The following PCDHGA1 variants were observed in gnomAD, a reference collection of about 807,000 sequenced individuals.
The protein encoded by PCDHGA1 is protocadherin gamma-A1.
PCDHGA1 carries 32 observed loss-of-function variants against 58.0 expected under a neutral mutation model. The observed-to-expected ratio is 0.55, with a 90% CI of 0.42 to 0.74. PCDHGA1 has a LOEUF of 0.74. Among genes scored for constraint, PCDHGA1 ranks in the 30% least tolerant of loss-of-function variants. PCDHGA1 has a pLI of 0.00. For synonymous variants in PCDHGA1, 498 were observed against 501.1 expected (o/e 0.99, Z 0.08); for missense variants, 1,205 against 1,182.3 (o/e 1.02, Z -0.28).
rs3749771 is a variant in PCDHGA1, at chr5:141,376,276, C to A, written c.2421+43171C>A. The A allele has an allele frequency of 5.9e-4, 946 of 1,614,240 alleles. 16 individuals are homozygous for A. The East Asian group carries it at 0.018, about 31-fold the overall frequency. The stretch of plus-strand genomic sequence containing the variant: ...GCCTGCTGCAGGCTTCGGGAGGTGG[C>A]TTAGCGAGCATGCCCGGCTCGCACT... On this transcript the variant is annotated intron_variant, in intron 1 of 3. Coordinates refer to ENST00000517417, the MANE Select transcript of PCDHGA1 (RefSeq NM_018912.3).
chr5:141,409,416 T>G (rs770750853), intron 1 of PCDHGA1: 1 of 1,613,964 alleles, frequency 6.2e-7, no homozygotes, highest in South Asian at 1.1e-5. Flanking sequence ...TACAAACTGG[T>G]GACAGATGGA....
chr5:141,384,913 T>C, intron 1 of PCDHGA1: 1 of 1,613,988 alleles, frequency 6.2e-7, no homozygotes, highest in Non-Finnish European at 8.5e-7. Context: ...CCCCGAAGTC[T>C]TGGCCGACCT....
chr5:141,397,648 C>T (rs1045102412), intron 1 of PCDHGA1, among the ~76,000 whole-genome samples: 5 of 152,148 alleles, frequency 3.3e-5, no homozygotes, highest in African/African-American at 1.2e-4. Context: ...GGTATGTTTG[C>T]AGAATGGTGA....
intron 1 of PCDHGA1, chr5:141,403,259 C>T: frequency 6.2e-7 from 1 of 1,613,866 alleles, no homozygotes; most frequent in Admixed American, 1.7e-5. Context: ...CCCGCGGTGT[C>T]TGGTGAACTT....
At chr5:141,366,718 G>C (rs772444465) in intron 1 of PCDHGA1, 1 of 1,613,638 alleles carries the variant, frequency 6.2e-7, no homozygotes, top group Non-Finnish European at 8.5e-7. Context: ...TGTCTGATAA[G>C]GTAGATGCAA....
chr5:141,399,506 A>G, intron 1 of PCDHGA1: 1 of 1,613,982 alleles, frequency 6.2e-7, no homozygotes, highest in Non-Finnish European at 8.5e-7. Flanking sequence ...GTACCCGAAA[A>G]CAACCCTCCT....
intron 1 of PCDHGA1, chr5:141,394,458 A>C (rs776488659): frequency 6.2e-7 from 1 of 1,614,100 alleles, no homozygotes; most frequent in Non-Finnish European, 8.5e-7. Context: ...CATGTCACTG[A>C]GCCTGTTCGT....
At chr5:141,351,082 CACCTATGCCT>C (rs1561499297) in intron 1 of PCDHGA1, 12 of 1,614,062 alleles carry the variant, frequency 7.4e-6, no homozygotes, top group Non-Finnish European at 9.3e-6. Flanking sequence ...ATGCAGAGAT[CACCTATGCCT>C]TCCTCAATTC....
chr5:141,489,775 T>C lies in PCDHGA1; in HGVS notation c.2422-5032T>C, dbSNP rs748163008. The C allele has an allele frequency of 6.2e-7, 1 of 1,614,110 alleles. No homozygotes were observed. The highest frequency in any genetic ancestry group is 8.5e-7 in the Non-Finnish European group (1 of 1,179,986). Reference sequence around the variant, plus strand: ...CACTCTAAGCCCCAACAGCCACTTCTCTCTGAATGTGAAGACCCTAAAAGA... The same window carrying C: ...CACTCTAAGCCCCAACAGCCACTTCCCTCTGAATGTGAAGACCCTAAAAGA... On this transcript the variant is annotated intron_variant, in intron 1 of 3. Coordinates refer to ENST00000517417, the MANE Select transcript of PCDHGA1 (RefSeq NM_018912.3). This position sits in a 1 kb window ranked among gnomAD's most constrained non-coding sequence, Gnocchi z 4.5.
chr5:141,355,284 C>A (rs548905369), intron 1 of PCDHGA1: 4 of 1,613,732 alleles, frequency 2.5e-6, no homozygotes, highest in Non-Finnish European at 1.7e-6. Flanking sequence ...AAATCAGGGC[C>A]GAACAGATTC....
intron 1 of PCDHGA1, chr5:141,341,362 A>G (rs372379863): frequency 2.5e-6 from 4 of 1,614,184 alleles, no homozygotes; most frequent in Non-Finnish European, 3.4e-6. Context: ...CTCAATCTCT[A>G]CTCGAAGAAG....
At chr5:141,368,074 G>A (rs1765473205) in intron 1 of PCDHGA1, among the ~76,000 whole-genome samples, 2 of 152,100 alleles carry the variant, frequency 1.3e-5, no homozygotes, top group Admixed American at 6.6e-5. Context: ...TTTCCCTTCT[G>A]CATCTGATTT....
intron 1 of PCDHGA1, chr5:141,352,378 G>A (rs2149768920): frequency 6.2e-7 from 1 of 1,614,008 alleles, no homozygotes; most frequent in Non-Finnish European, 8.5e-7. Context: ...TGATTCTAGC[G>A]ATCGCCCTGC....
chr5:141,383,406 T>G lies in PCDHGA1; in HGVS notation c.2421+50301T>G, dbSNP rs780989648. 25 of 1,613,866 alleles carry G rather than the reference T, an allele frequency of 1.5e-5. No individual in the cohort carries two copies. In the African/African-American group the frequency reaches 3.2e-4, roughly 21 times the overall value. ...ATGTGGGCACGAACTCCCTCCAGAG[T>G]TACCAGCTCAGCCCCAATCGCCACT... On this transcript the variant is annotated intron_variant, in intron 1 of 3. Coordinates refer to ENST00000517417, the MANE Select transcript of PCDHGA1 (RefSeq NM_018912.3).
chr5:141,394,980 C>T, intron 1 of PCDHGA1: 2 of 1,614,012 alleles, frequency 1.2e-6, no homozygotes, highest in Non-Finnish European at 1.7e-6. Flanking sequence ...GCACAAGTCA[C>T]GCCTGCTCCA....
chr5:141,336,436 A>C (rs1156631970), intron 1 of PCDHGA1, among the ~76,000 whole-genome samples: 3 of 152,236 alleles, frequency 2.0e-5, no homozygotes, highest in Non-Finnish European at 4.4e-5. Flanking sequence ...ACAAGAAAAC[A>C]TGGTGAGTTG....
chr5:141,359,856 A>C (rs1055838573), intron 1 of PCDHGA1, among the ~76,000 whole-genome samples: 7 of 152,188 alleles, frequency 4.6e-5, no homozygotes, highest in Admixed American at 2.0e-4. Context: ...TTTATAAATT[A>C]AAAAAGAAAA....
chr5:141,422,549 TGAA>T (rs1554114956), intron 1 of PCDHGA1: 8 of 1,614,026 alleles, frequency 5.0e-6, no homozygotes, highest in Non-Finnish European at 6.8e-6. Flanking sequence ...CATGTCTGGC[TGAA>T]TGTGGCAGAT....
chr5:141,362,498 A>G, intron 1 of PCDHGA1: 2 of 1,614,032 alleles, frequency 1.2e-6, no homozygotes, highest in Non-Finnish European at 1.7e-6. Context: ...GCCTCTTGGG[A>G]ACAAAATACA....
Sources: allele counts gnomAD v4.1 joint callset (sites outside exome capture counted in the v4.1 genomes callset), GRCh38; gene constraint gnomAD v4.1.1; non-coding constraint Gnocchi (gnomAD v3.1); transcripts MANE v1.5; gene names NCBI Gene and HGNC (gene_info 2026-07-23, HGNC 2026-07-21).